RAB3C: variants seen among roughly 807,000 people sequenced by gnomAD.
RAB3C encodes the protein ras-related protein Rab-3C.
In RAB3C, 17 loss-of-function variants were observed where a neutral mutation model predicts 26.4. That is an observed-to-expected ratio of 0.64 (90% confidence interval 0.44 to 0.97). The LOEUF is 0.97. RAB3C is among the 50% of genes least tolerant of loss of function. The pLI is 0.00. For synonymous variants in RAB3C, 91 were observed against 95.9 expected, an observed-to-expected ratio of 0.95 and a Z score of 0.30; for missense variants, 242 against 281.9, an observed-to-expected ratio of 0.86 and a Z score of 1.01.
At chr5:58,615,032 G>A (rs984664) in intron 1 of RAB3C, among the ~76,000 whole-genome samples, 21,381 of 152,018 alleles carry the variant, frequency 0.14, 1,647 homozygotes, top group Non-Finnish European at 0.16. Context: ...AAGTACTTGA[G>A]CCATCTGCAG....
At chr5:58,782,773 G>C (rs904904269) in intron 3 of RAB3C, among the ~76,000 whole-genome samples, 6 of 152,018 alleles carry the variant, frequency 3.9e-5, no homozygotes, top group African/African-American at 1.2e-4. Context: ...AGGAATATTA[G>C]CTTTATACCC....
chr5:58,692,626 C>A (rs1306731849), intron 2 of RAB3C, among the ~76,000 whole-genome samples: 1 of 152,040 alleles, frequency 6.6e-6, no homozygotes, highest in Middle Eastern at 3.2e-3. Context: ...GCATCAATAT[C>A]CACCACCCCC....
intron 1 of RAB3C, among the ~76,000 whole-genome samples, chr5:58,595,278 A>G (rs1746222637): frequency 6.6e-6 from 1 of 152,172 alleles, no homozygotes; most frequent in Non-Finnish European, 1.5e-5. Flanking sequence ...ACCAGGGCAG[A>G]GATAATTGAT....
In RAB3C at chr5:58,853,935, GGGACC is replaced by G. The variant is rs1744172656; in HGVS notation, c.*2585_*2589del. 1 of 151,958 alleles carries G rather than the reference GGGACC, an allele frequency of 6.6e-6. No homozygotes were observed. The highest frequency in any genetic ancestry group is 1.5e-5 in the Non-Finnish European group (1 of 68,004). The allele number at this position is 151,958 out of a possible 1,614,324, so 9.4% of individuals were successfully genotyped here. On this transcript the variant is annotated 3_prime_UTR_variant, in exon 5 of 5. Coordinates refer to ENST00000282878, the MANE Select transcript of RAB3C (RefSeq NM_138453.4). The stretch of plus-strand genomic sequence containing the variant: ...TTTAACATCAAATTTGGCAAATGGT[GGGACC>G]AACCCAAGGTTAACTAAGTGGGCTT...
At chr5:58,754,583 C>A (rs114975726) in intron 3 of RAB3C, among the ~76,000 whole-genome samples, 1 of 152,062 alleles carries the variant, frequency 6.6e-6, no homozygotes, top group Non-Finnish European at 1.5e-5. Flanking sequence ...ACTGAAAGTG[C>A]GAATTACCCA....
chr5:58,674,236 G>A (rs1748178933), intron 2 of RAB3C, among the ~76,000 whole-genome samples: 1 of 152,170 alleles, frequency 6.6e-6, no homozygotes, highest in Admixed American at 6.5e-5. Context: ...AATGTTCTAT[G>A]TGAATCATCC....
rs892291445 is a variant in RAB3C at position 58,737,862 on chromosome 5, G to A, written c.371+11742G>A. ...TATATGAGACTCTTCTTCCCAGTAAGGTGGAGAGAATATCTGGGTAGGACT... is the reference window on the plus strand; with the variant it reads ...TATATGAGACTCTTCTTCCCAGTAAAGTGGAGAGAATATCTGGGTAGGACT... On this transcript the variant is annotated intron_variant, in intron 3 of 4. Transcript: ENST00000282878. Among the ~76,000 whole-genome samples, 3 of 152,066 alleles carry A rather than the reference G, an allele frequency of 2.0e-5. No homozygotes were observed. In the South Asian group the frequency reaches 6.2e-4, roughly 32 times the overall value.
intron 3 of RAB3C, among the ~76,000 whole-genome samples, chr5:58,767,017 C>CA (rs1741923033): frequency 6.6e-6 from 1 of 151,758 alleles, no homozygotes; most frequent in East Asian, 1.9e-4. Flanking sequence ...ATATAGCCAG[C>CA]GGGGGGGACT....
chr5:58,845,117 G>A (rs1487062646), intron 4 of RAB3C, among the ~76,000 whole-genome samples: 3 of 152,268 alleles, frequency 2.0e-5, no homozygotes, highest in South Asian at 2.1e-4. Flanking sequence ...GTGCTCTGAC[G>A]TTCCAGTACT....
At chr5:58,819,602 C>T (rs534517303) in intron 3 of RAB3C, among the ~76,000 whole-genome samples, 7 of 152,312 alleles carry the variant, frequency 4.6e-5, no homozygotes, top group South Asian at 2.1e-4. Flanking sequence ...CGGCTGGGCA[C>T]GGTGGCTTGC....
At chr5:58,772,437 T>C (rs963002245) in intron 3 of RAB3C, among the ~76,000 whole-genome samples, 1 of 152,136 alleles carries the variant, frequency 6.6e-6, no homozygotes, top group African/African-American at 2.4e-5. Context: ...GGAAATAGTC[T>C]GTGTGTTAAG....
At chr5:58,684,534 T>C (rs2111846525) in intron 2 of RAB3C, among the ~76,000 whole-genome samples, 1 of 152,324 alleles carries the variant, frequency 6.6e-6, no homozygotes, top group African/African-American at 2.4e-5. Flanking sequence ...TCTTTTTTTC[T>C]GGCTGTGGCT....
Position 58,858,820 on chromosome 5 carries a change from T to C in RAB3C, c.*7469T>C, listed in dbSNP as rs1331986040. Reference sequence around the variant, plus strand: ...AAGACAAGCTGTTGCATTATCATATTCCTCTGTGCTGAGCAGCTCAAGACT... The same window carrying C: ...AAGACAAGCTGTTGCATTATCATATCCCTCTGTGCTGAGCAGCTCAAGACT... On this transcript the variant is annotated 3_prime_UTR_variant, in exon 5 of 5. Coordinates refer to ENST00000282878, the MANE Select transcript of RAB3C (RefSeq NM_138453.4). 6.6e-6 allele frequency: 1 copy of C among 152,196 alleles called. No individual in the cohort carries two copies. The highest frequency in any genetic ancestry group is 1.5e-5 in the Non-Finnish European group (1 of 68,040). The allele number at this position is 152,196 out of a possible 1,614,324, so 9.4% of individuals were successfully genotyped here. A position where few individuals can be genotyped will look rare whatever the true frequency, so the allele number is the denominator to read the frequency against.
chr5:58,602,031 G>A (rs892873847), intron 1 of RAB3C, among the ~76,000 whole-genome samples: 2 of 151,794 alleles, frequency 1.3e-5, no homozygotes, highest in African/African-American at 4.8e-5. Flanking sequence ...GTATCCCAGA[G>A]GTTTTGATAG....
At chr5:58,605,148 C>G (rs2111693959) in intron 1 of RAB3C, among the ~76,000 whole-genome samples, 1 of 152,280 alleles carries the variant, frequency 6.6e-6, no homozygotes. Context: ...ACAGTTGGGG[C>G]ACTCACAGTA....
At chr5:58,741,078 C>T (rs1445049557) in intron 3 of RAB3C, among the ~76,000 whole-genome samples, 1 of 152,162 alleles carries the variant, frequency 6.6e-6, no homozygotes, top group African/African-American at 2.4e-5. Flanking sequence ...GTTATGATTA[C>T]AGTTTTGCTA....
chr5:58,593,577 A>G (rs1042371050), intron 1 of RAB3C, among the ~76,000 whole-genome samples: 2 of 152,162 alleles, frequency 1.3e-5, no homozygotes, highest in Non-Finnish European at 2.9e-5. Flanking sequence ...TGTGGGCTTC[A>G]AGATACTTTT....
intron 3 of RAB3C, among the ~76,000 whole-genome samples, chr5:58,816,324 A>C (rs984693212): frequency 6.6e-6 from 1 of 152,216 alleles, no homozygotes. Flanking sequence ...ACCAGAGCTT[A>C]ATCTTTCTTT....
At chr5:58,771,478 G>C in intron 3 of RAB3C, among the ~76,000 whole-genome samples, 1 of 152,004 alleles carries the variant, frequency 6.6e-6, no homozygotes, top group Non-Finnish European at 1.5e-5. Flanking sequence ...CAAGAAGCTT[G>C]TTTTCTAGGT....
Sources: gnomAD v4.1 joint callset for allele counts (sites outside exome capture counted in the v4.1 genomes callset) on GRCh38, gnomAD v4.1.1 for gene constraint, MANE v1.5 for transcripts, NCBI Gene and HGNC (gene_info 2026-07-23, HGNC 2026-07-21) for gene names.